PDXDC1: variants seen among roughly 807,000 people sequenced by gnomAD.
The protein encoded by PDXDC1 is pyridoxal-dependent decarboxylase domain-containing protein 1.
In PDXDC1, 42 loss-of-function variants were observed where a neutral mutation model predicts 100.1. The observed-to-expected ratio is 0.42, with a 90% CI of 0.33 to 0.54. The LOEUF is 0.54. PDXDC1 is among the 20% of genes least tolerant of loss of function. The pLI is 0.10. For synonymous variants in PDXDC1, 260 were observed against 371.7 expected, an observed-to-expected ratio of 0.70 and a Z score of 3.46; for missense variants, 636 against 979.2, an observed-to-expected ratio of 0.65 and a Z score of 4.68.
intron 16 of PDXDC1, chr16:15,135,449 G>C (rs1214747274): frequency 1.8e-5 from 22 of 1,246,746 alleles, no homozygotes; most frequent in East Asian, 1.8e-4. Context: ...GAGAACAAGG[G>C]GCGACGTGGC....
At chr16:15,011,512 T>C (rs555216879) in intron 8 of PDXDC1, among the ~76,000 whole-genome samples, 3 of 152,398 alleles carry the variant, frequency 2.0e-5, no homozygotes, top group African/African-American at 7.2e-5. Flanking sequence ...GGATACAAAA[T>C]ATGTGAACCA....
chr16:15,079,516 G>A (rs1389654365), intron 16 of PDXDC1, among the ~76,000 whole-genome samples: 5 of 152,048 alleles, frequency 3.3e-5, no homozygotes, highest in Non-Finnish European at 5.9e-5. Flanking sequence ...CTCCAATCAT[G>A]AGAAGGAACT....
At chr16:15,117,633 C>T (rs1282799928) in intron 16 of PDXDC1, among the ~76,000 whole-genome samples, 1 of 134,918 alleles carries the variant, frequency 7.4e-6, no homozygotes, top group Non-Finnish European at 1.6e-5. Flanking sequence ...GTGGAGGTTG[C>T]AGTGAGCCGA....
chr16:15,002,710 G>A (rs1210778355), intron 4 of PDXDC1, among the ~76,000 whole-genome samples: 2 of 152,220 alleles, frequency 1.3e-5, no homozygotes, highest in Non-Finnish European at 2.9e-5. Flanking sequence ...TTGTAATTTT[G>A]ATAGATCCTG....
chr16:15,118,610 A>G (rs1598159682), intron 16 of PDXDC1, among the ~76,000 whole-genome samples: 1 of 149,456 alleles, frequency 6.7e-6, no homozygotes, highest in East Asian at 2.0e-4. Flanking sequence ...ATAGAACTAT[A>G]AAGCAGAATA....
intron 16 of PDXDC1, among the ~76,000 whole-genome samples, chr16:15,051,973 T>C (rs1239643398): frequency 1.3e-5 from 2 of 152,122 alleles, no homozygotes; most frequent in African/African-American, 4.8e-5. Context: ...GTCCCAGTTT[T>C]CTTAACCTCT....
At chr16:15,145,765 T>C in the PDXDC1 span, among the ~76,000 whole-genome samples, 7 of 152,366 alleles carry the variant, frequency 4.6e-5, no homozygotes, top group South Asian at 4.1e-4. Context: ...AGGGAGACTG[T>C]GACGCCCCCG....
At chr16:15,140,588 T>C (rs1484354964), downstream of PDXDC1, among the ~76,000 whole-genome samples, 2 of 151,864 alleles carry the variant, frequency 1.3e-5, no homozygotes, top group Non-Finnish European at 1.5e-5. Flanking sequence ...AGACATCCCA[T>C]GTCAGCAGTC....
At chr16:15,086,110 AT>A in intron 16 of PDXDC1, 1 of 1,603,922 alleles carries the variant, frequency 6.2e-7, no homozygotes, top group Middle Eastern at 1.7e-4. Context: ...AGAAAATAAA[AT>A]TCCAAGCAAT....
chr16:15,035,880 T>C, intron 22 of PDXDC1, 136 bp from the exon 23 acceptor site: 1 of 962,344 alleles, frequency 1.0e-6, no homozygotes, highest in Admixed American at 2.3e-5. Context: ...TCTCATCTCC[T>C]AAAACACCTC....
chr16:15,135,948 G>C, intron 16 of PDXDC1: 1 of 1,578,086 alleles, frequency 6.3e-7, no homozygotes, highest in Non-Finnish European at 8.6e-7. Flanking sequence ...ACGCCGGGCA[G>C]GGCCACACGC....
chr16:15,127,151 T>G, intron 16 of PDXDC1: 1 of 372,578 alleles, frequency 2.7e-6, no homozygotes, highest in Non-Finnish European at 5.2e-6. Flanking sequence ...CGTACTGAGA[T>G]TTTCTTCTGG....
chr16:15,144,387 G>A, the PDXDC1 span, among the ~76,000 whole-genome samples: 7 of 152,040 alleles, frequency 4.6e-5, no homozygotes, highest in African/African-American at 1.4e-4. Context: ...GTGCTCATTT[G>A]AAAAAAAACA....
downstream of PDXDC1, among the ~76,000 whole-genome samples, chr16:15,142,542 G>A (rs904519621): frequency 6.6e-6 from 1 of 151,902 alleles, no homozygotes; most frequent in Non-Finnish European, 1.5e-5. Flanking sequence ...CCCTGGGTAG[G>A]ACTCAGGTGC....
At chr16:15,143,227 A>G (rs1218678259), downstream of PDXDC1, among the ~76,000 whole-genome samples, 4 of 152,112 alleles carry the variant, frequency 2.6e-5, no homozygotes, top group Non-Finnish European at 5.9e-5. Context: ...CTGGGGCACC[A>G]CTGGGTGGAG....
intron 21 of PDXDC1, among the ~76,000 whole-genome samples, 188 bp from the exon 22 acceptor site, chr16:15,035,261 G>GT (rs1344945077): frequency 6.6e-6 from 1 of 152,182 alleles, no homozygotes; most frequent in Non-Finnish European, 1.5e-5. Context: ...GATGCTGGCG[G>GT]TACTGGCCCT....
intron 8 of PDXDC1, chr16:15,010,496 A>C (rs2041169358): frequency 1.3e-5 from 2 of 154,512 alleles, no homozygotes; most frequent in Middle Eastern, 5.2e-4. Context: ...TAAATAAATA[A>C]AAATAATTGT....
chr16:14,994,449 T>C (rs1971526873), intron 1 of PDXDC1, among the ~76,000 whole-genome samples: 1 of 152,288 alleles, frequency 6.6e-6, no homozygotes, highest in Admixed American at 6.5e-5. Context: ...CAGATAGTTG[T>C]AGATATGCGG....
intron 1 of PDXDC1, among the ~76,000 whole-genome samples, chr16:14,991,029 A>T (rs1217011081): frequency 6.6e-6 from 1 of 152,290 alleles, no homozygotes; most frequent in African/African-American, 2.4e-5. Context: ...GTCGTGAGCC[A>T]CTGCGCCCGG....
Sources: gnomAD v4.1 joint callset for allele counts (sites outside exome capture counted in the v4.1 genomes callset) on GRCh38, gnomAD v4.1.1 for gene constraint, MANE v1.5 for transcripts, NCBI Gene and HGNC (gene_info 2026-07-23, HGNC 2026-07-21) for gene names.